CABIN1: variants seen among roughly 807,000 people sequenced by gnomAD.
CABIN1 encodes the protein calcineurin binding protein 1, also known as calcineurin-binding protein cabin-1.
Under a neutral mutation model 227.7 loss-of-function variants are expected in CABIN1, and 133 were observed. The ratio of observed to expected loss-of-function variants is 0.58; its 90% confidence interval spans 0.51 to 0.67. CABIN1 has a LOEUF of 0.67. CABIN1 is among the 30% of genes least tolerant of loss of function. The pLI is 0.00. For synonymous variants in CABIN1, 1,086 were observed against 1,155.1 expected (o/e 0.94, Z 1.21); for missense variants, 2,408 against 2,852.5 (o/e 0.84, Z 3.55).
chr22:24,142,654 C>T (rs1240161853), intron 29 of CABIN1, among the ~76,000 whole-genome samples: 1 of 152,356 alleles, frequency 6.6e-6, no homozygotes, highest in East Asian at 1.9e-4. Context: ...GAGCCTGTTG[C>T]AGGCAGACAT....
At position 24,043,143 on chromosome 22, in the gene CABIN1, AAGGC is replaced by A. The variant is rs1250174572; in HGVS notation, c.526+62_526+65del. 8 of 1,546,848 alleles carry A rather than the reference AAGGC, an allele frequency of 5.2e-6. No homozygotes were observed. The East Asian group carries it at 1.6e-4, about 31-fold the overall frequency. On this transcript the variant is annotated intron_variant, in intron 6 of 36. Coordinates refer to ENST00000263119, the MANE Select transcript of CABIN1 (RefSeq NM_012295.4). ...CAGTGGTTTTTGGAACAGCAGAGGA[AAGGC>A]AGTTTGGGTAAACTGAAAGCCAAAG...
chr22:24,114,781 C>G (rs1364463049), intron 27 of CABIN1, among the ~76,000 whole-genome samples: 1 of 152,232 alleles, frequency 6.6e-6, no homozygotes, highest in Non-Finnish European at 1.5e-5. Flanking sequence ...AAGACCTCTC[C>G]TAGCTCTCTG....
Position 24,137,977 on chromosome 22 carries a change from G to A in CABIN1, c.4746+3562G>A, listed in dbSNP as rs552835847. On this transcript the variant is annotated intron_variant, in intron 29 of 36. Transcript: ENST00000263119. The stretch of plus-strand genomic sequence containing the variant: ...GAAGCAAAGGCAGTAGGTGGGTGCT[G>A]GCCCTTGAGAGGAGATAAAGGGAGG... Among the ~76,000 whole-genome samples the A allele has an allele frequency of 6.6e-5, 10 of 152,230 alleles. No individual in the cohort carries two copies. The South Asian group carries it at 2.1e-3, about 32-fold the overall frequency.
rs1405606593 is a variant in CABIN1 at position 24,063,105 on chromosome 22, G to A, written c.1843G>A (p.Val615Ile). The change falls in exon 14 of 37, where the codon GTC becomes ATC. Residue 615 changes from valine (V) to isoleucine (I), a missense_variant. This residue lies in a region of CABIN1 where 1,045 missense variants were observed against 1,168.4 expected (regional missense o/e 0.89). Transcript: ENST00000263119. ...CGAGGATGGTTGGCTGGAGTTTGTG[G>A]TCCGTGTTTACTGGCTGAAGGCTCG... is the stretch of plus-strand genomic sequence containing the variant. ...LFEDGWLEFV[V>I]RVYWLKARFL... 12 of 1,614,082 alleles carry A rather than the reference G, an allele frequency of 7.4e-6. No homozygotes were observed. Among genetic ancestry groups the A allele is most frequent in the Middle Eastern group, 1.6e-4 (1 of 6,082 alleles).
At chr22:24,114,058 TTTG>T (rs695681) in intron 27 of CABIN1, among the ~76,000 whole-genome samples, 38,883 of 151,594 alleles carry the variant, frequency 0.26, 5,759 homozygotes, top group African/African-American at 0.41. Flanking sequence ...GTGCTCTGTT[TTTG>T]TTGTTGTTGT....
intron 1 of CABIN1, among the ~76,000 whole-genome samples, chr22:24,029,133 C>T (rs1426466008): frequency 6.6e-6 from 1 of 152,144 alleles, no homozygotes; most frequent in African/African-American, 2.4e-5. Flanking sequence ...ACAGGTGGAT[C>T]GCTTGAGGCC....
intron 34 of CABIN1, 48 bp downstream of exon 34, chr22:24,172,043 C>A (rs762494572): frequency 1.6e-5 from 25 of 1,581,978 alleles, no homozygotes; most frequent in Middle Eastern, 1.7e-4. Context: ...CTGCCACCAT[C>A]AAGTCCTCCC....
intron 29 of CABIN1, among the ~76,000 whole-genome samples, chr22:24,145,650 G>C (rs894868982): frequency 6.6e-6 from 1 of 152,168 alleles, no homozygotes; most frequent in Non-Finnish European, 1.5e-5. Flanking sequence ...CCAGGCATGT[G>C]GCCCTGGGTC....
chr22:24,027,763 C>T (rs1392334278), intron 1 of CABIN1, among the ~76,000 whole-genome samples: 1 of 152,258 alleles, frequency 6.6e-6, no homozygotes, highest in Non-Finnish European at 1.5e-5. Context: ...GCAGTAAGGC[C>T]TTTGCCAGGT....
At chr22:24,063,669 G>A (rs760291952) in intron 14 of CABIN1, among the ~76,000 whole-genome samples, 24 of 152,116 alleles carry the variant, frequency 1.6e-4, no homozygotes, top group Non-Finnish European at 3.1e-4. Flanking sequence ...AGATTGCTAG[G>A]GCCCTGTCAG....
At chr22:24,078,801 TAAC>T (rs1300915329) in intron 19 of CABIN1, among the ~76,000 whole-genome samples, 2 of 152,170 alleles carry the variant, frequency 1.3e-5, no homozygotes, top group Non-Finnish European at 2.9e-5. Context: ...AAATAAGAGT[TAAC>T]AAGAAAGCAT....
chr22:24,035,583 G>A (rs562727604), intron 2 of CABIN1, 63 bp downstream of exon 2: 2 of 1,601,060 alleles, frequency 1.2e-6, no homozygotes, highest in East Asian at 4.5e-5. Flanking sequence ...TACTCCTGGG[G>A]GCGAGGGGCA....
chr22:24,015,297 A>G (rs1317030359), intron 1 of CABIN1, among the ~76,000 whole-genome samples: 2 of 148,056 alleles, frequency 1.4e-5, no homozygotes, highest in Non-Finnish European at 3.0e-5. Flanking sequence ...AAAAAAAAGA[A>G]TAGTGTGTCT....
intron 29 of CABIN1, among the ~76,000 whole-genome samples, chr22:24,147,251 G>A (rs2045179103): frequency 1.1e-5 from 1 of 90,230 alleles, no homozygotes; most frequent in Non-Finnish European, 2.3e-5. Flanking sequence ...CTCTCTCCCT[G>A]CCTCCCTCCC....
intron 29 of CABIN1, among the ~76,000 whole-genome samples, chr22:24,156,899 C>T (rs1319385602): frequency 6.6e-6 from 1 of 152,138 alleles, no homozygotes; most frequent in African/African-American, 2.4e-5. Flanking sequence ...GGGACCTTAG[C>T]GCTCCACGTC....
intron 29 of CABIN1, among the ~76,000 whole-genome samples, chr22:24,135,157 A>G (rs985078979): frequency 5.5e-5 from 8 of 144,628 alleles, no homozygotes; most frequent in Admixed American, 1.4e-4. Flanking sequence ...TTGGGAGGCC[A>G]AGGCGGGCAG....
At chr22:24,029,415 G>A (rs556804327) in intron 1 of CABIN1, among the ~76,000 whole-genome samples, 5 of 152,130 alleles carry the variant, frequency 3.3e-5, no homozygotes, top group Non-Finnish European at 4.4e-5. Flanking sequence ...AGCCAGGCAT[G>A]GTGCCATGCA....
chr22:24,059,046 CT>C (rs1288465094), intron 10 of CABIN1, among the ~76,000 whole-genome samples, 180 bp from the exon 11 acceptor site: 1 of 152,254 alleles, frequency 6.6e-6, no homozygotes, highest in Non-Finnish European at 1.5e-5. Context: ...AGACCAAATG[CT>C]GGCTCATGAG....
chr22:24,128,998 C>T (rs892722945), intron 28 of CABIN1, among the ~76,000 whole-genome samples: 5 of 152,188 alleles, frequency 3.3e-5, no homozygotes, highest in South Asian at 2.1e-4. Context: ...AGGGAGACAG[C>T]CCCTGGGGGC....
Sources: gnomAD v4.1 joint callset for allele counts (sites outside exome capture counted in the v4.1 genomes callset) on GRCh38, gnomAD v4.1.1 for gene constraint, gnomAD v4.1.1 regional missense constraint, MANE v1.5 for transcripts, NCBI Gene and HGNC (gene_info 2026-07-23, HGNC 2026-07-21) for gene names.